HTT: variants seen among roughly 807,000 people sequenced by gnomAD.
The protein encoded by HTT is huntingtin.
Under a neutral mutation model 362.3 loss-of-function variants are expected in HTT, and 104 were observed. That is an observed-to-expected ratio of 0.29 (90% CI 0.24 to 0.34). The LOEUF is 0.34. HTT is among the 10% of genes least tolerant of loss of function. The pLI is 1.00. For missense variants in HTT, 3,301 were observed against 3,928.6 expected, an observed-to-expected ratio of 0.84 and a Z score of 4.27; for synonymous variants, 1,577 against 1,548.7, an observed-to-expected ratio of 1.02 and a Z score of -0.43.
In HTT at chr4:3,208,802, G is replaced by C. The variant is rs775839735; in HGVS notation, c.6182G>C (p.Arg2061Thr). 6.2e-7 allele frequency: 1 copy of C among 1,613,962 alleles called. No individual in the cohort carries two copies. The highest frequency in any genetic ancestry group is 1.1e-5 in the South Asian group (1 of 91,050). ...CAAAGGCTCTATTCCCTGCTGGACA[G>C]GTTTCGTCTCTCCACCATGCAAGAC... ...RHQRLYSLLD[R>T]FRLSTMQDSL... Residue 2061 changes from arginine (R) to threonine (T), a missense_variant, in exon 46 of 67, where the codon AGG becomes ACG. Arg to Thr is a moderately conservative substitution (Grantham distance 71, BLOSUM62 -1). Transcript: ENST00000355072.
chr4:3,136,526 T>G (rs1291235844), intron 21 of HTT, among the ~76,000 whole-genome samples, 200 bp downstream of exon 21: 1 of 151,996 alleles, frequency 6.6e-6, no homozygotes, highest in Non-Finnish European at 1.5e-5. Context: ...AACAAAATAC[T>G]AACTGTCCAT....
At chr4:3,163,838 T>G (rs1264649174) in intron 29 of HTT, among the ~76,000 whole-genome samples, 2 of 152,154 alleles carry the variant, frequency 1.3e-5, no homozygotes, top group African/African-American at 4.8e-5. Flanking sequence ...TTGCTAGCGG[T>G]CTACCTATTT....
chr4:3,140,379 GA>G (rs1338542418), intron 21 of HTT, 130 bp from the exon 22 acceptor site: 1 of 697,792 alleles, frequency 1.4e-6, no homozygotes, highest in East Asian at 2.7e-5. Context: ...CGCCACCTGA[GA>G]AAGGGGGCGA....
intron 40 of HTT, among the ~76,000 whole-genome samples, chr4:3,195,517 C>T (rs1302779460): frequency 6.6e-6 from 1 of 152,118 alleles, no homozygotes; most frequent in Non-Finnish European, 1.5e-5. Context: ...TTGTGATCCA[C>T]AGGCTCTGCC....
At position 3,223,462 on chromosome 4, in the gene HTT, G is replaced by T; in HGVS notation, c.7527G>T (p.Leu2509=). ...NVLAVQAITS[L]VLSAMTVPVA... is the part of the protein sequence containing the mutation. ...TGGCCGTGCAGGCCATCACCTCACT[G>T]GTGCTCAGTGCAATGACTGTGCCTG... Residue 2509 remains leucine (L), a synonymous_variant, in exon 55 of 67, where the codon CTG becomes CTT. Transcript: ENST00000355072. 6.2e-7 allele frequency: 1 copy of T among 1,613,658 alleles called. No individual in the cohort carries two copies. Among genetic ancestry groups the T allele is most frequent in the East Asian group, 2.2e-5 (1 of 44,848 alleles).
rs555280361 is a variant in HTT at position 3,132,114 on chromosome 4, G to A, written c.2236+339G>A. 7.9e-4 allele frequency among the ~76,000 whole-genome samples: 120 copies of A among 152,234 alleles called. 1 individual carries two copies. Among genetic ancestry groups the A allele is most frequent in the Admixed American group, 2.0e-4 (3 of 15,292 alleles). ...AGGCATTCACACTCAGGGTGAGTGG[G>A]AACCAGGACTGGCTGAGGCAGCAGT... is the stretch of plus-strand genomic sequence containing the variant. On this transcript the variant is annotated intron_variant, in intron 16 of 66. Coordinates refer to ENST00000355072, the MANE Select transcript of HTT (RefSeq NM_001388492.1).
At chr4:3,141,031 T>A (rs1033371470) in intron 22 of HTT, among the ~76,000 whole-genome samples, 26 of 152,256 alleles carry the variant, frequency 1.7e-4, no homozygotes, top group African/African-American at 6.0e-4. Context: ...GTGAGCGGGC[T>A]ATTAAAGTCA....
At chr4:3,178,504 C>T (rs1718347531) in intron 35 of HTT, 58 bp downstream of exon 35, 10 of 1,497,412 alleles carry the variant, frequency 6.7e-6, no homozygotes, top group Admixed American at 1.8e-5. Context: ...TGGCAGTGTT[C>T]GTTTTCATAT....
intron 21 of HTT, among the ~76,000 whole-genome samples, chr4:3,139,201 G>C (rs1716221145): frequency 6.6e-6 from 1 of 151,928 alleles, no homozygotes; most frequent in Admixed American, 6.6e-5. Flanking sequence ...ACTTCTTTTT[G>C]TTTGTTTGTT....
chr4:3,171,413 G>T (rs1319615914), intron 29 of HTT, among the ~76,000 whole-genome samples: 1 of 151,646 alleles, frequency 6.6e-6, no homozygotes, highest in Non-Finnish European at 1.5e-5. Context: ...GAATGCCTAG[G>T]TATCTAGGCA....
At chr4:3,165,659 T>A (rs1717665309) in intron 29 of HTT, among the ~76,000 whole-genome samples, 2 of 152,054 alleles carry the variant, frequency 1.3e-5, no homozygotes, top group South Asian at 4.1e-4. Context: ...ATTTCATTAA[T>A]TTGATCTTCA....
chr4:3,098,752 C>G (rs1315617420), intron 2 of HTT, among the ~76,000 whole-genome samples: 1 of 152,048 alleles, frequency 6.6e-6, no homozygotes, highest in Non-Finnish European at 1.5e-5. Flanking sequence ...ATACTTTGGC[C>G]CATACCGAAA....
rs1408065639 is a variant in HTT, at chr4:3,238,986, C to T, written c.9215+8C>T. On this transcript the variant is annotated splice_region_variant and intron_variant, in intron 66 of 66. Transcript: ENST00000355072. ...CCCGTGGGTCGCGGCGATGTATCCT[C>T]TCTGGGTCCCTGGTGCTGGCCCCGT... 3 of 1,598,466 alleles carry T rather than the reference C, an allele frequency of 1.9e-6. No homozygotes were observed. Among genetic ancestry groups the T allele is most frequent in the Non-Finnish European group, 1.7e-6 (2 of 1,175,200 alleles).
intron 46 of HTT, 103 bp from the exon 47 acceptor site, chr4:3,209,724 G>A: frequency 3.5e-6 from 5 of 1,421,374 alleles, no homozygotes; most frequent in South Asian, 2.5e-5. Flanking sequence ...TCTCAGCCTA[G>A]TGCGGTGTTC....
chr4:3,156,446 C>G lies in HTT; in HGVS notation c.3626-626C>G, dbSNP rs552235537. Among the ~76,000 whole-genome samples the G allele has an allele frequency of 8.5e-5, 13 of 152,240 alleles. No individual in the cohort carries two copies. In the South Asian group the frequency reaches 2.7e-3, roughly 32 times the overall value. On this transcript the variant is annotated intron_variant, in intron 27 of 66. Coordinates refer to ENST00000355072, the MANE Select transcript of HTT (RefSeq NM_001388492.1). ...CAAGCGTTTTAAAAGATGCTCTTTT[C>G]TAAGGATTGACTGTAGTACAGGAGG...
At chr4:3,135,587 A>G (rs1321274005) in intron 19 of HTT, among the ~76,000 whole-genome samples, 1 of 152,164 alleles carries the variant, frequency 6.6e-6, no homozygotes, top group African/African-American at 2.4e-5. Flanking sequence ...GCAGCAAGAT[A>G]GCAGGTTATG....
chr4:3,231,643 C>T (rs2110298069), intron 60 of HTT, among the ~76,000 whole-genome samples: 1 of 140,954 alleles, frequency 7.1e-6, no homozygotes, highest in Non-Finnish European at 1.5e-5. Flanking sequence ...GGTGACTCAG[C>T]AGCCGTCCAG....
chr4:3,209,550 G>A (rs1720034598), intron 46 of HTT, among the ~76,000 whole-genome samples: 1 of 152,230 alleles, frequency 6.6e-6, no homozygotes, highest in Non-Finnish European at 1.5e-5. Context: ...GGATGGCAAA[G>A]GGGCCGCTAA....
At chr4:3,116,977 G>T (rs1264011131) in intron 8 of HTT, among the ~76,000 whole-genome samples, 1 of 152,196 alleles carries the variant, frequency 6.6e-6, no homozygotes, top group African/African-American at 2.4e-5. Context: ...ATACGAAATT[G>T]TAAGTGGCTT....
Sources: gnomAD v4.1 joint callset for allele counts (sites outside exome capture counted in the v4.1 genomes callset) on GRCh38, gnomAD v4.1.1 for gene constraint, MANE v1.5 for transcripts, NCBI Gene and HGNC (gene_info 2026-07-23, HGNC 2026-07-21) for gene names.